TACC1: variants seen among roughly 807,000 people sequenced by gnomAD.
TACC1 encodes transforming acidic coiled-coil containing protein 1, also known as transforming acidic coiled-coil-containing protein 1.
Under a neutral mutation model 84.4 loss-of-function variants are expected in TACC1, and 48 were observed. The observed-to-expected ratio is 0.57, with a 90% CI of 0.45 to 0.72. The LOEUF is 0.72. Ranked by LOEUF, TACC1 falls within the 30% of genes least tolerant of loss-of-function variation. The pLI is 0.00. For synonymous variants in TACC1, 372 were observed against 376.3 expected, an observed-to-expected ratio of 0.99 and a Z score of 0.13; for missense variants, 920 against 973.0, an observed-to-expected ratio of 0.95 and a Z score of 0.72.
chr8:38,844,417 G>T (rs547395662), intron 11 of TACC1, among the ~76,000 whole-genome samples: 1 of 151,958 alleles, frequency 6.6e-6, no homozygotes, highest in Non-Finnish European at 1.5e-5. Context: ...CAGGTGATCC[G>T]CCCGCCTCAG....
At chr8:38,734,693 C>A (rs957970709) in intron 1 of TACC1, among the ~76,000 whole-genome samples, 1 of 152,272 alleles carries the variant, frequency 6.6e-6, no homozygotes, top group Non-Finnish European at 1.5e-5. Context: ...ATCTGCATGG[C>A]TGCTGGCAGC....
intron 1 of TACC1, chr8:38,787,964 A>C: frequency 1.9e-6 from 1 of 520,920 alleles, no homozygotes; most frequent in Non-Finnish European, 3.3e-6. Context: ...TTCCGCACCC[A>C]ACCCAGAATC....
intron 12 of TACC1, 31 bp downstream of exon 12, chr8:38,846,850 C>CA: frequency 6.2e-7 from 1 of 1,610,652 alleles, no homozygotes; most frequent in Admixed American, 1.7e-5. Flanking sequence ...TGGGTGGCCA[C>CA]AGAGACGTTT....
At chr8:38,811,050 C>T (rs899068458) in intron 2 of TACC1, among the ~76,000 whole-genome samples, 2 of 151,436 alleles carry the variant, frequency 1.3e-5, no homozygotes, top group Non-Finnish European at 2.9e-5. Context: ...CCCAGGAGGT[C>T]GAGATTGGAG....
At chr8:38,813,316 T>C (rs1824665252) in intron 2 of TACC1, among the ~76,000 whole-genome samples, 1 of 152,202 alleles carries the variant, frequency 6.6e-6, no homozygotes, top group African/African-American at 2.4e-5. Context: ...AAGAAACTGT[T>C]ATGGCCATGA....
At chr8:38,828,794 T>G (rs565378045) in intron 5 of TACC1, among the ~76,000 whole-genome samples, 1 of 152,348 alleles carries the variant, frequency 6.6e-6, no homozygotes, top group Admixed American at 6.5e-5. Context: ...AAGTGTGTTC[T>G]GAACCTCATC....
chr8:38,740,551 T>G (rs1806863130), intron 1 of TACC1, among the ~76,000 whole-genome samples: 1 of 152,166 alleles, frequency 6.6e-6, no homozygotes, highest in South Asian at 2.1e-4. Context: ...TGAATGCACA[T>G]AAAAAGCATA....
At chr8:38,730,795 G>A (rs6985355) in intron 1 of TACC1, among the ~76,000 whole-genome samples, 74,028 of 152,126 alleles carry the variant, frequency 0.49, 19,061 homozygotes, top group East Asian at 0.95. Context: ...GCAGGGTCAC[G>A]GGGCCAGGAC....
chr8:38,840,170 C>CT lies in TACC1; in HGVS notation c.1917-51dup. The stretch of plus-strand genomic sequence containing the variant: ...ATTGTTTGGGACAGCATTTCTCCAA[C>CT]TTTCATTGTCTGAAAATCCTCCTCT... On this transcript the variant is annotated intron_variant, in intron 8 of 12. Transcript: ENST00000317827. 9.4e-6 allele frequency: 13 copies of CT among 1,386,030 alleles called. No individual in the cohort carries two copies. The South Asian group carries it at 1.4e-4, about 15-fold the overall frequency. 85.9% of individuals were successfully genotyped at this position (1,386,030 alleles called of 1,614,324 possible). A position where few individuals can be genotyped will look rare whatever the true frequency, so the allele number is the denominator to read the frequency against.
chr8:38,762,817 A>G (rs182880429), intron 3 of TACC1, among the ~76,000 whole-genome samples: 2 of 152,172 alleles, frequency 1.3e-5, no homozygotes, highest in East Asian at 3.9e-4. Context: ...TCGGCCTCCC[A>G]AAGTGCTGGG....
At chr8:38,783,499 G>T (rs1816553645), upstream of TACC1, among the ~76,000 whole-genome samples, 1 of 150,782 alleles carries the variant, frequency 6.6e-6, no homozygotes, top group African/African-American at 2.4e-5. Flanking sequence ...TCGGCTCACC[G>T]CAATCTCTGC....
chr8:38,813,395 A>G (rs529804926), intron 2 of TACC1, among the ~76,000 whole-genome samples: 2 of 152,224 alleles, frequency 1.3e-5, no homozygotes, highest in East Asian at 3.8e-4. Flanking sequence ...AAAATCTGTC[A>G]TTAGTGGTAA....
In TACC1 at chr8:38,779,293, G is replaced by T. The variant is rs1176975937; in HGVS notation, c.27-9411G>T. 3.3e-5 allele frequency among the ~76,000 whole-genome samples: 5 copies of T among 152,046 alleles called. No individual in the cohort carries two copies. The East Asian group carries it at 9.6e-4, about 29-fold the overall frequency. Reference sequence around the variant, plus strand: ...CCTGGCTGAAATGCTCTTTTTTTATGGTACTTTGGCTCAACTGGCAAATGC... The same window carrying T: ...CCTGGCTGAAATGCTCTTTTTTTATTGTACTTTGGCTCAACTGGCAAATGC... On this transcript the variant is annotated intron_variant, in intron 3 of 14. Coordinates refer to the TACC1 transcript ENST00000518415.
intron 3 of TACC1, 139 bp from the exon 4 acceptor site, chr8:38,825,169 C>T (rs1827757133): frequency 7.1e-6 from 6 of 841,700 alleles, no homozygotes; most frequent in Non-Finnish European, 1.2e-5. Flanking sequence ...CCCTGCCTCT[C>T]TCCTGCGGCG....
At chr8:38,741,287 C>T (rs569429458) in intron 1 of TACC1, among the ~76,000 whole-genome samples, 96 of 151,974 alleles carry the variant, frequency 6.3e-4, no homozygotes, top group African/African-American at 2.3e-3. Context: ...TCCCAAGTAG[C>T]TAGGATTACA....
At chr8:38,815,922 G>A (rs1825331262) in intron 2 of TACC1, among the ~76,000 whole-genome samples, 1 of 147,684 alleles carries the variant, frequency 6.8e-6, no homozygotes, top group Non-Finnish European at 1.5e-5. Context: ...GAGCCCAGGA[G>A]TTCAAGATCA....
intron 1 of TACC1, among the ~76,000 whole-genome samples, chr8:38,732,172 GGA>G (rs1405005723): frequency 1.5e-3 from 182 of 123,514 alleles, no homozygotes; most frequent in African/African-American, 5.2e-3. Flanking sequence ...AAGGAAGGAA[GGA>G]AGGAAGGAAG....
chr8:38,839,260 G>T, intron 8 of TACC1: 1 of 390,444 alleles, frequency 2.6e-6, no homozygotes, highest in Non-Finnish European at 4.5e-6. Flanking sequence ...ATGATAGAAA[G>T]CTTGTTAACA....
At chr8:38,744,470 G>A (rs1192768726) in intron 2 of TACC1, among the ~76,000 whole-genome samples, 2 of 152,132 alleles carry the variant, frequency 1.3e-5, no homozygotes, top group South Asian at 2.1e-4. Context: ...GCCAAACTTA[G>A]GTGTCATGGA....
Sources: allele counts gnomAD v4.1 joint callset (sites outside exome capture counted in the v4.1 genomes callset), GRCh38; gene constraint gnomAD v4.1.1; transcripts MANE v1.5; gene names NCBI Gene and HGNC (gene_info 2026-07-23, HGNC 2026-07-21).